Variants in KIAA0825 observed in about 807,000 individuals in gnomAD.
KIAA0825 encodes the protein KIAA0825.
A neutral mutation model predicts 147.6 loss-of-function variants in KIAA0825; 119 were observed. That is an observed-to-expected ratio of 0.81 (90% CI 0.69 to 0.94). The LOEUF is 0.94. Among genes scored for constraint, KIAA0825 ranks in the 40% least tolerant of loss-of-function variants. The probability of loss-of-function intolerance (pLI) is 0.00; values close to 1 mark genes in which losing one functional copy is unlikely to be tolerated. For synonymous variants in KIAA0825, 470 were observed against 518.1 expected, an observed-to-expected ratio of 0.91 and a Z score of 1.26; for missense variants, 1,381 against 1,472.7, an observed-to-expected ratio of 0.94 and a Z score of 1.02.
At chr5:94,245,986 G>A (rs532742427) in intron 20 of KIAA0825, among the ~76,000 whole-genome samples, 8 of 152,230 alleles carry the variant, frequency 5.3e-5, no homozygotes, top group African/African-American at 1.7e-4. Flanking sequence ...GCATAACACA[G>A]ATCTATAATC....
At chr5:94,226,861 C>T (rs1382464898) in intron 20 of KIAA0825, among the ~76,000 whole-genome samples, 1 of 152,036 alleles carries the variant, frequency 6.6e-6, no homozygotes, top group Non-Finnish European at 1.5e-5. Context: ...CATCTCACGC[C>T]AGTTAGAATG....
intron 13 of KIAA0825, among the ~76,000 whole-genome samples, chr5:94,442,476 G>C (rs1757206271): frequency 6.6e-6 from 1 of 152,094 alleles, no homozygotes; most frequent in African/African-American, 2.4e-5. Context: ...GAACATCCCA[G>C]GAGTTCTGAA....
rs1336113300 is a variant in KIAA0825 at position 94,580,651 on chromosome 5, C to T, written c.-2+1782G>A. Among the ~76,000 whole-genome samples the T allele has an allele frequency of 4.5e-4, 16 of 35,702 alleles. 3 individuals are homozygous for T. The highest frequency in any genetic ancestry group is 4.4e-3 in the South Asian group (8 of 1,824). The allele number at this position is 35,702 out of a possible 152,430, so 23.4% of individuals were successfully genotyped here. A position where few individuals can be genotyped will look rare whatever the true frequency, so the allele number is the denominator to read the frequency against. On this transcript the variant is annotated intron_variant, in intron 2 of 20. Coordinates refer to ENST00000682413, the MANE Select transcript of KIAA0825 (RefSeq NM_001145678.3). ...CAGCACTTTGGGAGGCCGAGGCGGG[C>T]GGATCACGAGGTCAGGAGATCGAGA...
At chr5:94,272,110 A>G (rs1777019384) in intron 20 of KIAA0825, among the ~76,000 whole-genome samples, 2 of 15,188 alleles carry the variant, frequency 1.3e-4, no homozygotes, top group African/African-American at 5.0e-4. Context: ...TAGGAGCAAA[A>G]AAAAAAAAAA....
In KIAA0825 at chr5:94,523,956, C is replaced by A; in HGVS notation, c.274G>T (p.Asp92Tyr). The change falls in exon 4 of 21, where the codon GAC (aspartate) becomes TAC (tyrosine). Residue 92 changes from aspartate to tyrosine, a missense_variant. Coordinates refer to ENST00000682413, the MANE Select transcript of KIAA0825 (RefSeq NM_001145678.3). ...AGTGTTTTGAAAAATTTTATCAAGT[C>A]TCCATGAGAAATGAAAGATGATTCA... ...TSESSFISHG[D>Y]LIKFFKTLQD... 6.2e-7 allele frequency: 1 copy of A among 1,602,300 alleles called. No individual in the cohort carries two copies. Among genetic ancestry groups the A allele is most frequent in the South Asian group, 1.1e-5 (1 of 89,086 alleles).
chr5:94,337,099 G>A (rs765391208), intron 20 of KIAA0825, among the ~76,000 whole-genome samples: 3 of 152,134 alleles, frequency 2.0e-5, no homozygotes, highest in African/African-American at 4.8e-5. Flanking sequence ...GTCCAGAGCA[G>A]ATCCGTGGTT....
chr5:94,452,178 A>C (rs1280229038), intron 13 of KIAA0825, among the ~76,000 whole-genome samples: 2 of 152,216 alleles, frequency 1.3e-5, no homozygotes, highest in Non-Finnish European at 2.9e-5. Context: ...ATATGGAAAT[A>C]GGCACACATT....
intron 5 of KIAA0825, among the ~76,000 whole-genome samples, chr5:94,494,518 A>C (rs1764130727): frequency 6.6e-6 from 1 of 152,120 alleles, no homozygotes; most frequent in Non-Finnish European, 1.5e-5. Context: ...TTTAACTCCC[A>C]GTTGTAAATA....
At chr5:94,558,825 A>G (rs1037969138) in intron 2 of KIAA0825, among the ~76,000 whole-genome samples, 8 of 152,214 alleles carry the variant, frequency 5.3e-5, no homozygotes, top group African/African-American at 1.9e-4. Context: ...TCATTCCACA[A>G]GTGCATTCCC....
chr5:94,369,780 G>C (rs1746399816), intron 20 of KIAA0825, among the ~76,000 whole-genome samples: 1 of 152,154 alleles, frequency 6.6e-6, no homozygotes, highest in Non-Finnish European at 1.5e-5. Flanking sequence ...GAATAACTGA[G>C]GGAAGAAGTC....
intron 5 of KIAA0825, among the ~76,000 whole-genome samples, chr5:94,492,654 G>A (rs1470229526): frequency 6.6e-6 from 1 of 152,180 alleles, no homozygotes; most frequent in East Asian, 1.9e-4. Context: ...GTGAGTGTGA[G>A]AGACAAAATC....
chr5:94,188,665 C>T (rs1044136589), intron 20 of KIAA0825, among the ~76,000 whole-genome samples: 2 of 151,970 alleles, frequency 1.3e-5, no homozygotes, highest in African/African-American at 2.4e-5. Flanking sequence ...ATTGTTTATT[C>T]GTTCAACAGT....
chr5:94,548,078 A>AC (rs1419278965), intron 2 of KIAA0825, among the ~76,000 whole-genome samples: 1 of 152,174 alleles, frequency 6.6e-6, no homozygotes, highest in Non-Finnish European at 1.5e-5. Flanking sequence ...ATCTGAAGAC[A>AC]CAAAACTCAC....
chr5:94,340,953 A>G (rs758111556), intron 20 of KIAA0825, among the ~76,000 whole-genome samples: 2 of 152,242 alleles, frequency 1.3e-5, no homozygotes, highest in Non-Finnish European at 2.9e-5. Flanking sequence ...ATAGACCTAC[A>G]TATTTACCTT....
intron 20 of KIAA0825, among the ~76,000 whole-genome samples, chr5:94,353,239 TA>T (rs1400566316): frequency 6.6e-6 from 1 of 152,210 alleles, no homozygotes; most frequent in African/African-American, 2.4e-5. Context: ...TACTTCTACT[TA>T]ACATTTTAAA....
In KIAA0825 at chr5:94,464,908, G is replaced by A. The variant is rs1431693627; in HGVS notation, c.2024C>T (p.Ala675Val). 6.4e-7 allele frequency: 1 copy of A among 1,551,626 alleles called. No homozygotes were observed. ...TCTTTTACGGCTGGGGTGGGCCCGA[G>A]CGTATCTGGAGGCCAGTAGACTCAA... ...KSLSLLASRY[A>V]RAHPSRKRTP... The change falls in exon 11 of 21, where the codon GCT (alanine) becomes GTT (valine). Residue 675 changes from alanine (A) to valine (V), a missense_variant. Physicochemically the swap from Ala to Val is moderately conservative, Grantham distance 64. Coordinates refer to ENST00000682413, the MANE Select transcript of KIAA0825 (RefSeq NM_001145678.3).
intron 20 of KIAA0825, among the ~76,000 whole-genome samples, chr5:94,211,338 A>C (rs749320824): frequency 2.4e-4 from 36 of 152,164 alleles, no homozygotes; most frequent in Non-Finnish European, 4.6e-4. Context: ...TGTTATAGAC[A>C]TTTTGGTTTA....
intron 5 of KIAA0825, among the ~76,000 whole-genome samples, chr5:94,502,592 C>T (rs539959145): frequency 6.6e-6 from 1 of 152,170 alleles, no homozygotes; most frequent in East Asian, 1.9e-4. Context: ...AAAGGGAAGG[C>T]AATATGAGAA....
At chr5:94,364,612 G>A (rs983407590) in intron 20 of KIAA0825, among the ~76,000 whole-genome samples, 1 of 151,994 alleles carries the variant, frequency 6.6e-6, no homozygotes, top group Admixed American at 6.5e-5. Flanking sequence ...TCAATCTCCT[G>A]ACCTCGTGAT....
Sources: allele counts gnomAD v4.1 joint callset (sites outside exome capture counted in the v4.1 genomes callset), GRCh38; gene constraint gnomAD v4.1.1; transcripts MANE v1.5; gene names NCBI Gene and HGNC (gene_info 2026-07-23, HGNC 2026-07-21).